SWT1: variants seen among roughly 807,000 people sequenced by gnomAD.
SWT1 encodes the protein transcriptional protein SWT1.
SWT1 carries 33 observed loss-of-function variants against 107.3 expected under a neutral mutation model. The ratio of observed to expected loss-of-function variants is 0.31; its 90% CI spans 0.23 to 0.41. The LOEUF is 0.41. Among genes scored for constraint, SWT1 ranks in the 10% least tolerant of loss-of-function variants. The pLI is 1.00. For synonymous variants in SWT1, 345 were observed against 348.3 expected (o/e 0.99, Z 0.11); for missense variants, 898 against 1,028.9 (o/e 0.87, Z 1.74).
At chr1:185,166,953 G>C (rs1006672617) in intron 3 of SWT1, among the ~76,000 whole-genome samples, 2 of 151,914 alleles carry the variant, frequency 1.3e-5, no homozygotes, top group African/African-American at 2.4e-5. Flanking sequence ...GTTGCCCCAG[G>C]CTGGAGTGCA....
chr1:185,180,252 G>C, intron 5 of SWT1, 139 bp from the exon 6 acceptor site: 1 of 660,090 alleles, frequency 1.5e-6, no homozygotes, highest in South Asian at 1.8e-5. Flanking sequence ...AGAGGTCAGT[G>C]ATGCTGCTAA....
intron 16 of SWT1, among the ~76,000 whole-genome samples, chr1:185,239,833 G>A (rs1661141208): frequency 6.6e-6 from 1 of 151,910 alleles, no homozygotes; most frequent in Non-Finnish European, 1.5e-5. Context: ...GAAACCTTTT[G>A]CTTAGTATAT....
intron 10 of SWT1, among the ~76,000 whole-genome samples, chr1:185,195,758 G>A (rs950222908): frequency 1.3e-5 from 2 of 152,180 alleles, no homozygotes; most frequent in Non-Finnish European, 2.9e-5. Flanking sequence ...GTAATGATGA[G>A]CCTTTTTCCA....
At chr1:185,281,104 T>G (rs1664591401) in intron 18 of SWT1, 1 of 253,308 alleles carries the variant, frequency 3.9e-6, no homozygotes, top group South Asian at 4.5e-5. Context: ...ATGGATTGTT[T>G]AAGAAGGTAA....
chr1:185,168,548 CTTAATA>C (rs1654788282), intron 4 of SWT1, 150 bp downstream of exon 4: 1 of 328,516 alleles, frequency 3.0e-6, no homozygotes, highest in African/African-American at 2.2e-5. Context: ...ATAGAATTGT[CTTAATA>C]TTAACTATAT....
At position 185,291,082 on chromosome 1, in the gene SWT1, C is replaced by A. The variant is rs1665226668; in HGVS notation, c.*279C>A. On this transcript the variant is annotated 3_prime_UTR_variant, in exon 19 of 19. Transcript: ENST00000367500. The stretch of plus-strand genomic sequence containing the variant: ...GCCAGTATCTCTAAGGAAAGGAGAG[C>A]CGTATTTTTAGTCATCCTAGGGCAG... 2 of 194,044 alleles carry A rather than the reference C, an allele frequency of 1.0e-5. No homozygotes were observed. Among genetic ancestry groups the A allele is most frequent in the South Asian group, 2.7e-4 (2 of 7,380 alleles). The allele number at this position is 194,044 out of a possible 1,614,324, so 12.0% of individuals were successfully genotyped here.
intron 4 of SWT1, among the ~76,000 whole-genome samples, chr1:185,170,568 C>T (rs777000443): frequency 3.9e-5 from 6 of 152,202 alleles, no homozygotes; most frequent in Non-Finnish European, 8.8e-5. Context: ...CTCTGGGTCC[C>T]ACACAGGAGG....
intron 5 of SWT1, among the ~76,000 whole-genome samples, chr1:185,175,895 C>G (rs1655505761): frequency 1.3e-5 from 2 of 152,058 alleles, no homozygotes; most frequent in African/African-American, 4.8e-5. Context: ...CAAGCAATTT[C>G]CTTAAATAGG....
chr1:185,276,135 T>TTTTATATGATGAAAGATTTTTATA, intron 17 of SWT1, among the ~76,000 whole-genome samples: 1 of 152,262 alleles, frequency 6.6e-6, no homozygotes, highest in East Asian at 1.9e-4. Context: ...CATAGCTAGT[T>TTTTATATGATGAAAGATTTTTATA]TTTATATGAT....
At chr1:185,210,610 G>A (rs1362804326) in intron 13 of SWT1, among the ~76,000 whole-genome samples, 1 of 152,132 alleles carries the variant, frequency 6.6e-6, no homozygotes, top group African/African-American at 2.4e-5. Context: ...GGCAAAAGAT[G>A]GAAGCATTCC....
At chr1:185,288,876 G>A (rs1457165240) in intron 18 of SWT1, among the ~76,000 whole-genome samples, 1 of 152,176 alleles carries the variant, frequency 6.6e-6, no homozygotes, top group Non-Finnish European at 1.5e-5. Context: ...TAGCTTTTGA[G>A]AGCCTGGCTG....
At chr1:185,183,664 C>A (rs1436123684) in intron 7 of SWT1, among the ~76,000 whole-genome samples, 1 of 152,166 alleles carries the variant, frequency 6.6e-6, no homozygotes, top group Non-Finnish European at 1.5e-5. Context: ...ACTAAGTGCA[C>A]AACTACCGGT....
At position 185,165,833 on chromosome 1, in the gene SWT1, TC is replaced by T. The variant is rs368716113; in HGVS notation, c.85-735del. On this transcript the variant is annotated intron_variant, in intron 2 of 18. Coordinates refer to ENST00000367500, the MANE Select transcript of SWT1 (RefSeq NM_017673.7). Reference sequence around the variant, plus strand: ...CTCTGGGGCTTTGCCCTTGCTGGCATCCCCTTTGAGCTGAAAAAACTCTTTC... The same window carrying T: ...CTCTGGGGCTTTGCCCTTGCTGGCATCCCTTTGAGCTGAAAAAACTCTTTC... Among the ~76,000 whole-genome samples, 49 of 152,178 alleles carry T rather than the reference TC, an allele frequency of 3.2e-4. 1 individual carries two copies. The East Asian group carries it at 3.5e-3, about 11-fold the overall frequency.
chr1:185,231,502 A>T (rs1660502843), intron 15 of SWT1, 75 bp from the exon 16 acceptor site: 2 of 1,053,796 alleles, frequency 1.9e-6, no homozygotes, highest in East Asian at 4.8e-5. Flanking sequence ...TACTTTATAC[A>T]TTTGCAGCTG....
At chr1:185,180,004 G>C (rs1571429556) in intron 5 of SWT1, among the ~76,000 whole-genome samples, 1 of 152,302 alleles carries the variant, frequency 6.6e-6, no homozygotes, top group East Asian at 1.9e-4. Flanking sequence ...TGGGCAACAT[G>C]ACAAAACCCC....
At chr1:185,157,827 G>A (rs1653753651) in intron 1 of SWT1, among the ~76,000 whole-genome samples, 1 of 152,092 alleles carries the variant, frequency 6.6e-6, no homozygotes, top group East Asian at 1.9e-4. Context: ...AGAGCTTCGG[G>A]GCATTTAATT....
At chr1:185,220,245 T>G (rs1659550845) in intron 14 of SWT1, among the ~76,000 whole-genome samples, 1 of 150,688 alleles carries the variant, frequency 6.6e-6, no homozygotes, top group Non-Finnish European at 1.5e-5. Context: ...TTTTCTTTCT[T>G]TCTTTTTTTT....
At chr1:185,279,341 T>C (rs1340550422) in intron 18 of SWT1, among the ~76,000 whole-genome samples, 1 of 152,180 alleles carries the variant, frequency 6.6e-6, no homozygotes, top group Non-Finnish European at 1.5e-5. Context: ...TTTAGATTAG[T>C]TGGCAGAGTT....
intron 11 of SWT1, 124 bp from the exon 12 acceptor site, chr1:185,204,576 G>T: frequency 2.4e-6 from 1 of 425,060 alleles, no homozygotes. Flanking sequence ...TAAAATATTT[G>T]TTTGTTTTAT....
Sources: allele counts gnomAD v4.1 joint callset (sites outside exome capture counted in the v4.1 genomes callset), GRCh38; gene constraint gnomAD v4.1.1; transcripts MANE v1.5; gene names NCBI Gene and HGNC (gene_info 2026-07-23, HGNC 2026-07-21).